Variants in FOXP4 observed in about 807,000 individuals in gnomAD.
The protein encoded by FOXP4 is forkhead box protein P4.
Under a neutral mutation model 82.6 loss-of-function variants are expected in FOXP4, and 25 were observed. That is an observed-to-expected ratio of 0.30 (90% CI 0.22 to 0.42). FOXP4 has a LOEUF of 0.42. Among genes scored for constraint, FOXP4 ranks in the 10% least tolerant of loss-of-function variants. The probability of loss-of-function intolerance (pLI) is 1.00; values close to 1 mark genes in which losing one functional copy is unlikely to be tolerated. For synonymous variants in FOXP4, 415 were observed against 388.2 expected, an observed-to-expected ratio of 1.07 and a Z score of -0.81; for missense variants, 785 against 900.9, an observed-to-expected ratio of 0.87 and a Z score of 1.65.
chr6:41,595,107 A>G (rs1766754044), intron 14 of FOXP4, 116 bp downstream of exon 14: 16 of 1,488,342 alleles, frequency 1.1e-5, no homozygotes, highest in Non-Finnish European at 1.5e-5. Flanking sequence ...TGGCTGGGGG[A>G]AGGGGTGTGG....
chr6:41,583,152 C>T (rs937050205), intron 3 of FOXP4, among the ~76,000 whole-genome samples: 4 of 152,248 alleles, frequency 2.6e-5, no homozygotes, highest in Non-Finnish European at 5.9e-5. Context: ...CTCCCAGGCC[C>T]ATGTGGATAG....
chr6:41,551,262 T>C (rs563006754), intron 1 of FOXP4, among the ~76,000 whole-genome samples: 5 of 152,356 alleles, frequency 3.3e-5, no homozygotes, highest in African/African-American at 1.2e-4. Flanking sequence ...CCGCAGGTGT[T>C]GGACCGTGGA....
chr6:41,598,685 T>G (rs1224471830), intron 16 of FOXP4, 104 bp from the exon 17 acceptor site: 3 of 1,474,008 alleles, frequency 2.0e-6, no homozygotes, highest in Non-Finnish European at 2.8e-6. Flanking sequence ...GAGGGGGCTG[T>G]GGGCACCCCA....
chr6:41,589,730 T>G (rs764072631), intron 9 of FOXP4, 41 bp from the exon 10 acceptor site: 2 of 1,597,434 alleles, frequency 1.3e-6, no homozygotes, highest in South Asian at 1.1e-5. Flanking sequence ...GCCTCCAGGG[T>G]TCAGCCTCCC....
rs371141228 is a variant in FOXP4, at chr6:41,590,329, C to T, written c.1416C>T (p.Tyr472=). 2.4e-4 allele frequency: 392 copies of T among 1,613,954 alleles called. 5 individuals carry two copies. In the South Asian group the frequency reaches 2.8e-3, roughly 12 times the overall value. Residue 472 remains tyrosine (Y), a synonymous_variant, in exon 12 of 17, where the codon TAC becomes TAT. Coordinates refer to ENST00000307972, the MANE Select transcript of FOXP4 (RefSeq NM_001012426.2). ...CCGACGTCCGGCCCCCCTTCACCTA[C>T]GCCTCCCTCATCCGCCAGGTGAGCA... is the stretch of plus-strand genomic sequence containing the variant. ...KNADVRPPFT[Y]ASLIRQAILE...
chr6:41,591,204 T>C lies in FOXP4; in HGVS notation c.1435-17T>C, dbSNP rs770571638. 6.3e-7 allele frequency: 1 copy of C among 1,597,236 alleles called. No individual in the cohort carries two copies. Among genetic ancestry groups the C allele is most frequent in the East Asian group, 2.2e-5 (1 of 44,498 alleles). On this transcript the variant is annotated splice_polypyrimidine_tract_variant and intron_variant, in intron 12 of 16. Coordinates refer to ENST00000307972, the MANE Select transcript of FOXP4 (RefSeq NM_001012426.2). This position sits in a 1 kb window ranked among gnomAD's most constrained non-coding sequence, Gnocchi z 4.2. ...AGGCCCAGGCTGACGGTCCCTTTGC[T>C]TGTTCCTTCCCCGCAGGCCATCCTG... is the stretch of plus-strand genomic sequence containing the variant.
Position 41,600,660 on chromosome 6 carries a change from G to A in FOXP4, c.*1724G>A, listed in dbSNP as rs190348083. On this transcript the variant is annotated 3_prime_UTR_variant, in exon 17 of 17. Coordinates refer to ENST00000307972, the MANE Select transcript of FOXP4 (RefSeq NM_001012426.2). ...GTGTCACCGAGGTGCGGGAGGGGAG[G>A]AGCATTAAAGCTGAAAGATCGCTCT... is the stretch of plus-strand genomic sequence containing the variant. The A allele has an allele frequency of 1.9e-3, 290 of 152,480 alleles. 2 individuals carry two copies. Among genetic ancestry groups the A allele is most frequent in the Non-Finnish European group, 3.4e-3 (232 of 68,086 alleles). 9.4% of individuals were successfully genotyped at this position (152,480 alleles called of 1,614,324 possible).
At chr6:41,594,250 C>T (rs1365035271) in intron 13 of FOXP4, among the ~76,000 whole-genome samples, 1 of 152,248 alleles carries the variant, frequency 6.6e-6, no homozygotes. Flanking sequence ...CCCACACTCT[C>T]CTCTCTCCCT....
Position 41,591,444 on chromosome 6 carries a change from C to A in FOXP4, c.1536+122C>A. 2 of 847,790 alleles carry A rather than the reference C, an allele frequency of 2.4e-6. No homozygotes were observed. The highest frequency in any genetic ancestry group is 1.9e-6 in the Non-Finnish European group (1 of 528,340). 52.5% of individuals were successfully genotyped at this position (847,790 alleles called of 1,614,324 possible). On this transcript the variant is annotated intron_variant, in intron 13 of 16. Transcript: ENST00000307972. The surrounding 1 kb of genome is among the most constrained non-coding windows in gnomAD (Gnocchi z 4.2). The stretch of plus-strand genomic sequence containing the variant: ...CATTAGTCCTGCAGAAACAGCCACC[C>A]AAGGGCCCAGCCAGGGCTGCATGCC...
At position 41,559,017 on chromosome 6, in the gene FOXP4, C is replaced by T. The variant is rs58214098; in HGVS notation, c.-16-6728C>T. 4.9e-3 allele frequency among the ~76,000 whole-genome samples: 749 copies of T among 152,264 alleles called. 5 individuals carry two copies. The highest frequency in any genetic ancestry group is 0.017 in the African/African-American group (717 of 41,528). ...TCTGGAAAAGTCTGAAACCGACGACCCTTCTTTTGTAAAATAAAGGCCTTT... is the reference window on the plus strand; with the variant it reads ...TCTGGAAAAGTCTGAAACCGACGACTCTTCTTTTGTAAAATAAAGGCCTTT... On this transcript the variant is annotated intron_variant, in intron 1 of 16. Transcript: ENST00000307972.
chr6:41,554,338 C>G (rs1764162287), intron 1 of FOXP4, among the ~76,000 whole-genome samples: 1 of 152,242 alleles, frequency 6.6e-6, no homozygotes. Flanking sequence ...ATCCCCACTT[C>G]TGCTCCTTTT....
chr6:41,588,493 C>T, intron 8 of FOXP4, 151 bp from the exon 9 acceptor site: 1 of 730,824 alleles, frequency 1.4e-6, no homozygotes, highest in East Asian at 2.6e-5. Context: ...AGCCTTCCTC[C>T]ATTGCCCCGT....
intron 2 of FOXP4, among the ~76,000 whole-genome samples, chr6:41,571,702 G>A (rs912723119): frequency 3.3e-5 from 5 of 152,072 alleles, no homozygotes; most frequent in African/African-American, 7.2e-5. Context: ...AAAAAAGTGC[G>A]GAATAACTTC....
chr6:41,563,275 C>T (rs1764692009), intron 1 of FOXP4, among the ~76,000 whole-genome samples: 1 of 152,194 alleles, frequency 6.6e-6, no homozygotes, highest in African/African-American at 2.4e-5. Context: ...ACTCTGCTTC[C>T]AGCCAGGATG....
chr6:41,573,948 G>A (rs1373048566), intron 2 of FOXP4, among the ~76,000 whole-genome samples: 1 of 152,082 alleles, frequency 6.6e-6, no homozygotes, highest in Non-Finnish European at 1.5e-5. Context: ...GGGGTAGAAG[G>A]AGGAAAAAAA....
At chr6:41,549,870 C>A (rs928332083) in intron 1 of FOXP4, among the ~76,000 whole-genome samples, 1 of 152,168 alleles carries the variant, frequency 6.6e-6, no homozygotes, top group African/African-American at 2.4e-5. Context: ...ACTGCCTTGG[C>A]GGTTTCCTGT....
chr6:41,573,663 C>T (rs953372490), intron 2 of FOXP4, among the ~76,000 whole-genome samples: 7 of 152,134 alleles, frequency 4.6e-5, no homozygotes, highest in African/African-American at 1.7e-4. Flanking sequence ...CTACTGGGTG[C>T]CTGGCAGTGT....
At chr6:41,565,277 T>C (rs1764807545) in intron 1 of FOXP4, among the ~76,000 whole-genome samples, 1 of 152,014 alleles carries the variant, frequency 6.6e-6, no homozygotes. Context: ...GAAGAATCGC[T>C]CAAACTCGGG....
chr6:41,595,039 A>T (rs764259446), intron 14 of FOXP4, 48 bp downstream of exon 14: 2 of 1,610,452 alleles, frequency 1.2e-6, no homozygotes, highest in Admixed American at 3.3e-5. Context: ...AGGGGGCAGG[A>T]GCCAACTCAC....
Sources: allele counts gnomAD v4.1 joint callset (sites outside exome capture counted in the v4.1 genomes callset), GRCh38; gene constraint gnomAD v4.1.1; non-coding constraint Gnocchi (gnomAD v3.1); transcripts MANE v1.5; gene names NCBI Gene and HGNC (gene_info 2026-07-23, HGNC 2026-07-21).